Variants in IFT80 observed in about 807,000 individuals in gnomAD.
IFT80 encodes the protein intraflagellar transport 80.
IFT80 carries 79 observed loss-of-function variants against 107.9 expected under a neutral mutation model. The observed-to-expected ratio is 0.73, with a 90% CI of 0.61 to 0.88. IFT80 has a LOEUF of 0.88. Ranked by LOEUF, IFT80 falls within the 40% of genes least tolerant of loss-of-function variation. IFT80 has a pLI of 0.00. For missense variants in IFT80, 797 were observed against 914.2 expected, an observed-to-expected ratio of 0.87 and a Z score of 1.65; for synonymous variants, 299 against 300.9, an observed-to-expected ratio of 0.99 and a Z score of 0.07.
intron 8 of IFT80, among the ~76,000 whole-genome samples, chr3:160,330,491 T>C (rs901016103): frequency 7.9e-5 from 12 of 152,212 alleles, no homozygotes. Context: ...CTTTTGCACT[T>C]TTTATTTCTT....
At chr3:160,263,738 G>A (rs533553077) in intron 19 of IFT80, among the ~76,000 whole-genome samples, 16 of 152,112 alleles carry the variant, frequency 1.1e-4, no homozygotes, top group East Asian at 3.9e-4. Flanking sequence ...GTGCAGTGGC[G>A]TGATCTCAGC....
rs116374642 is a variant in IFT80, at chr3:160,308,837, G to A, written c.958-1056C>T. The stretch of plus-strand genomic sequence containing the variant: ...CAACATGACAGTATTAGCAGGTGGA[G>A]CCTTTGGAAGGTTGTGAGCCCTTAT... On this transcript the variant is annotated intron_variant, in intron 9 of 19. Coordinates refer to ENST00000326448, the MANE Select transcript of IFT80 (RefSeq NM_020800.3). 7.7e-3 allele frequency among the ~76,000 whole-genome samples: 1,179 copies of A among 152,276 alleles called. 22 individuals carry two copies. The highest frequency in any genetic ancestry group is 0.027 in the African/African-American group (1,130 of 41,554).
intron 9 of IFT80, among the ~76,000 whole-genome samples, chr3:160,311,595 G>A (rs980863707): frequency 7.2e-5 from 11 of 152,198 alleles, no homozygotes; most frequent in Non-Finnish European, 1.6e-4. Flanking sequence ...GAGGGGAGTA[G>A]TCTGATGACA....
At position 160,357,480 on chromosome 3, in the gene IFT80, A is replaced by G. The variant is rs968428120; in HGVS notation, c.639+9T>C. 1 of 1,355,548 alleles carries G rather than the reference A, an allele frequency of 7.4e-7. No homozygotes were observed. The highest frequency in any genetic ancestry group is 1.7e-5 in the Admixed American group (1 of 58,760). 84.0% of individuals were successfully genotyped at this position (1,355,548 alleles called of 1,614,324 possible). On this transcript the variant is annotated intron_variant, in intron 7 of 19. Transcript: ENST00000326448. ...TTTCAGCCAAGTGATAAATCTAAAC[A>G]TTATATACCTTATATTTACAGTCTT... is the stretch of plus-strand genomic sequence containing the variant.
At position 160,375,647 on chromosome 3, in the gene IFT80, A is replaced by G. The variant is rs117142433; in HGVS notation, c.439+165T>C. On this transcript the variant is annotated intron_variant, in intron 5 of 19. Transcript: ENST00000326448. ...ATAGTGTTACCATGGTACATCAGGT[A>G]CCAAGCAAAGAAAGACAAAACAGTG... Among the ~76,000 whole-genome samples, 57 of 152,250 alleles carry G rather than the reference A, an allele frequency of 3.7e-4. No homozygotes were observed. In the East Asian group the frequency reaches 0.011, roughly 29 times the overall value.
chr3:160,277,645 G>A lies in IFT80; in HGVS notation c.1862C>T (p.Ala621Val). ...ATCTCGATTAGCAACTGCCATAGCA[G>A]CTAGACAAGCCCACATGGTTTGCTC... Reference protein sequence around the residue: ...VKEQTMWACLAAMAVANRDMT... With the variant: ...VKEQTMWACLVAMAVANRDMT... The change falls in exon 17 of 20, where the codon GCT (alanine) becomes GTT (valine). Residue 621 changes from alanine (A) to valine (V), a missense_variant. Ala to Val is a moderately conservative substitution (Grantham distance 64). Coordinates refer to ENST00000326448, the MANE Select transcript of IFT80 (RefSeq NM_020800.3). The A allele has an allele frequency of 6.2e-7, 1 of 1,613,416 alleles. No homozygotes were observed. Among genetic ancestry groups the A allele is most frequent in the Non-Finnish European group, 8.5e-7 (1 of 1,179,580 alleles).
At chr3:160,376,020 A>G in intron 4 of IFT80, 140 bp from the exon 5 acceptor site, 1 of 628,736 alleles carries the variant, frequency 1.6e-6, no homozygotes, top group Non-Finnish European at 2.8e-6. Flanking sequence ...GAATATTACT[A>G]CATATTTAAA....
At chr3:160,341,611 G>A (rs551567645) in intron 8 of IFT80, among the ~76,000 whole-genome samples, 10 of 152,128 alleles carry the variant, frequency 6.6e-5, no homozygotes, top group Non-Finnish European at 1.2e-4. Flanking sequence ...GTTTAAAATT[G>A]GGACTAAGAT....
chr3:160,370,947 C>T (rs921584278), intron 5 of IFT80, among the ~76,000 whole-genome samples: 1 of 152,176 alleles, frequency 6.6e-6, no homozygotes, highest in African/African-American at 2.4e-5. Context: ...TAATCTCTAC[C>T]TCCTCTAGTT....
intron 9 of IFT80, among the ~76,000 whole-genome samples, chr3:160,318,696 CA>C (rs1717996225): frequency 6.6e-6 from 1 of 152,002 alleles, no homozygotes; most frequent in Non-Finnish European, 1.5e-5. Flanking sequence ...TATTTCACTT[CA>C]AAATTTTCTT....
At chr3:160,383,598 T>C in intron 2 of IFT80, 1 of 898,166 alleles carries the variant, frequency 1.1e-6, no homozygotes, top group Non-Finnish European at 1.3e-6. Flanking sequence ...GTCAAATTGC[T>C]ACAAAAATTT....
chr3:160,372,241 G>T (rs551864955), intron 5 of IFT80, among the ~76,000 whole-genome samples: 26 of 152,222 alleles, frequency 1.7e-4, no homozygotes, highest in African/African-American at 5.8e-4. Context: ...GATAATTCAG[G>T]TTTATATTAT....
intron 18 of IFT80, among the ~76,000 whole-genome samples, chr3:160,272,176 A>G (rs2108216503): frequency 6.6e-6 from 1 of 152,298 alleles, no homozygotes; most frequent in East Asian, 1.9e-4. Flanking sequence ...ATTTAAGAAC[A>G]TATCAACCAA....
rs565694606 is a variant in IFT80 at position 160,335,596 on chromosome 3, TA to T, written c.778-15658del. ...TATTAATACCACAAACAAATGATTATAAAAGAGTTTAAAACTTCTTTTTGCA... is the reference window on the plus strand; with the variant it reads ...TATTAATACCACAAACAAATGATTATAAAGAGTTTAAAACTTCTTTTTGCA... On this transcript the variant is annotated intron_variant, in intron 8 of 19. Transcript: ENST00000326448. 1.2e-4 allele frequency among the ~76,000 whole-genome samples: 18 copies of T among 152,334 alleles called. No individual in the cohort carries two copies. The South Asian group carries it at 3.5e-3, about 30-fold the overall frequency.
At chr3:160,364,554 T>C (rs756128079) in intron 6 of IFT80, among the ~76,000 whole-genome samples, 1 of 152,184 alleles carries the variant, frequency 6.6e-6, no homozygotes, top group Non-Finnish European at 1.5e-5. Context: ...CATGCATACA[T>C]ATATTTATGG....
intron 8 of IFT80, among the ~76,000 whole-genome samples, chr3:160,322,719 A>G (rs1718343646): frequency 6.6e-6 from 1 of 152,042 alleles, no homozygotes; most frequent in African/African-American, 2.4e-5. Context: ...CTTTTTAATG[A>G]TTGCCATTCT....
At position 160,333,076 on chromosome 3, in the gene IFT80, C is replaced by T. The variant is rs531548294; in HGVS notation, c.778-13137G>A. The stretch of plus-strand genomic sequence containing the variant: ...GGCTACAAACCTATCAAGCACCTTA[C>T]TGAATACTATAGGAAACTGTCACAC... On this transcript the variant is annotated intron_variant, in intron 8 of 19. Coordinates refer to ENST00000326448, the MANE Select transcript of IFT80 (RefSeq NM_020800.3). Among the ~76,000 whole-genome samples the T allele has an allele frequency of 2.6e-5, 4 of 152,280 alleles. No homozygotes were observed. The East Asian group carries it at 7.7e-4, about 29-fold the overall frequency.
At chr3:160,341,067 T>C (rs2108334004) in intron 8 of IFT80, among the ~76,000 whole-genome samples, 1 of 152,056 alleles carries the variant, frequency 6.6e-6, no homozygotes, top group South Asian at 2.1e-4. Context: ...CATGCTGGAG[T>C]GCAGTGGCAC....
At chr3:160,292,475 CTTTTTTTTTT>C (rs142116230) in intron 12 of IFT80, among the ~76,000 whole-genome samples, 3 of 115,362 alleles carry the variant, frequency 2.6e-5, no homozygotes, top group East Asian at 4.5e-4. Flanking sequence ...AGAGAGATTC[CTTTTTTTTTT>C]TTTTTTTTTT....
Sources: gnomAD v4.1 joint callset for allele counts (sites outside exome capture counted in the v4.1 genomes callset) on GRCh38, gnomAD v4.1.1 for gene constraint, MANE v1.5 for transcripts, NCBI Gene and HGNC (gene_info 2026-07-23, HGNC 2026-07-21) for gene names.